ARMH3: variants seen among roughly 807,000 people sequenced by gnomAD.
ARMH3 encodes armadillo-like helical domain-containing protein 3.
A neutral mutation model predicts 99.1 loss-of-function variants in ARMH3; 60 were observed. The ratio of observed to expected loss-of-function variants is 0.61; its 90% CI spans 0.49 to 0.75. ARMH3 has a LOEUF of 0.75. ARMH3 is among the 30% of genes least tolerant of loss of function. ARMH3 has a pLI of 0.00. For synonymous variants in ARMH3, 285 were observed against 292.8 expected (o/e 0.97, Z 0.27); for missense variants, 679 against 843.1 (o/e 0.81, Z 2.41).
chr10:101,913,297 GGAGAAAGCTCTTGGTTAAAAGGACA>G (rs1221531498), intron 23 of ARMH3: 1 of 150,092 alleles, frequency 6.7e-6, no homozygotes, highest in African/African-American at 2.4e-5. Context: ...TCTTGGTCTA[GGAGAAAGCTCTTGGTTAAAAGGACA>G]GACAGAAGGA....
At chr10:102,046,336 GAAAAAGAAAAA>G (rs1279945123) in intron 1 of ARMH3, among the ~76,000 whole-genome samples, 11 of 148,292 alleles carry the variant, frequency 7.4e-5, no homozygotes, top group East Asian at 2.0e-4. Context: ...AGAGAAAAGA[GAAAAAGAAAAA>G]AAAAAGAAAA....
chr10:102,005,946 C>T (rs1332135240), intron 14 of ARMH3, among the ~76,000 whole-genome samples: 2 of 152,132 alleles, frequency 1.3e-5, no homozygotes, highest in African/African-American at 4.8e-5. Context: ...GAGTGAGTGC[C>T]AGGTTCACAT....
chr10:102,041,270 G>A (rs963656220), intron 1 of ARMH3, among the ~76,000 whole-genome samples: 7 of 150,494 alleles, frequency 4.7e-5, no homozygotes, highest in Non-Finnish European at 8.9e-5. Flanking sequence ...TCTTTACTGC[G>A]AATTTACACA....
intron 23 of ARMH3, among the ~76,000 whole-genome samples, chr10:101,920,078 TTATC>T (rs1843247006): frequency 6.6e-6 from 1 of 152,216 alleles, no homozygotes; most frequent in Non-Finnish European, 1.5e-5. Flanking sequence ...CTATGTTTGT[TTATC>T]TATTTTCGAG....
At chr10:102,021,172 G>GCTCAAGCCTCC (rs1408864009) in intron 8 of ARMH3, among the ~76,000 whole-genome samples, 3 of 152,074 alleles carry the variant, frequency 2.0e-5, no homozygotes, top group Non-Finnish European at 4.4e-5. Flanking sequence ...CACCTCCTGG[G>GCTCAAGCCTCC]CTCAAGCCTC....
intron 24 of ARMH3, among the ~76,000 whole-genome samples, chr10:101,885,624 G>C (rs1030861948): frequency 1.3e-5 from 2 of 152,180 alleles, no homozygotes; most frequent in Non-Finnish European, 2.9e-5. Flanking sequence ...CTCAGGGTAG[G>C]GGAAATGGGG....
At chr10:101,892,065 T>C (rs867957451) in intron 23 of ARMH3, among the ~76,000 whole-genome samples, 1 of 151,858 alleles carries the variant, frequency 6.6e-6, no homozygotes, top group Admixed American at 6.6e-5. Flanking sequence ...TGAGCCAAGA[T>C]TGTGCCACTG....
chr10:101,893,333 T>C (rs1460763878), intron 23 of ARMH3, among the ~76,000 whole-genome samples: 2 of 152,206 alleles, frequency 1.3e-5, no homozygotes. Flanking sequence ...TTTATGCTTT[T>C]TTAGGTTTTG....
At chr10:102,040,596 G>C (rs2067387332) in intron 1 of ARMH3, among the ~76,000 whole-genome samples, 1 of 152,118 alleles carries the variant, frequency 6.6e-6, no homozygotes, top group Admixed American at 6.6e-5. Context: ...TCCCTGACTA[G>C]GTAATGTCAA....
intron 23 of ARMH3, among the ~76,000 whole-genome samples, chr10:101,895,598 TTAAAAG>T (rs1242942487): frequency 1.3e-5 from 2 of 152,154 alleles, no homozygotes; most frequent in Non-Finnish European, 2.9e-5. Flanking sequence ...TGTAAAATTC[TTAAAAG>T]TAAATCTTCA....
intron 19 of ARMH3, among the ~76,000 whole-genome samples, chr10:101,977,499 TAG>T (rs1177858573): frequency 1.3e-5 from 2 of 152,214 alleles, no homozygotes; most frequent in East Asian, 1.9e-4. Context: ...AATGATATAA[TAG>T]AGTTACTATG....
chr10:101,973,346 C>T (rs1354699657), intron 20 of ARMH3, among the ~76,000 whole-genome samples: 7 of 124,430 alleles, frequency 5.6e-5, no homozygotes, highest in Non-Finnish European at 1.1e-4. Context: ...GGCGACAGAG[C>T]GAGACTCCGT....
intron 8 of ARMH3, among the ~76,000 whole-genome samples, chr10:102,017,453 C>T (rs1038648564): frequency 1.1e-4 from 17 of 152,168 alleles, no homozygotes; most frequent in African/African-American, 3.1e-4. Flanking sequence ...TCAGAGAGCC[C>T]TACTGAGCTG....
intron 24 of ARMH3, among the ~76,000 whole-genome samples, chr10:101,854,393 A>C (rs138231515): frequency 7.4e-4 from 112 of 152,310 alleles, no homozygotes; most frequent in African/African-American, 2.4e-3. Context: ...CCTATGACTC[A>C]AAAGTAACTA....
chr10:101,885,136 TA>T (rs998173989), intron 24 of ARMH3, among the ~76,000 whole-genome samples: 7 of 148,454 alleles, frequency 4.7e-5, no homozygotes, highest in Middle Eastern at 3.5e-3. Flanking sequence ...GGATGGCTAT[TA>T]AAAAAAAAAC....
intron 24 of ARMH3, among the ~76,000 whole-genome samples, chr10:101,880,314 C>CA (rs2067380854): frequency 6.6e-6 from 1 of 152,186 alleles, no homozygotes; most frequent in Admixed American, 6.5e-5. Flanking sequence ...CAGGAATTCT[C>CA]AGAGTGGGCT....
chr10:101,895,472 G>C (rs896736538), intron 23 of ARMH3, among the ~76,000 whole-genome samples: 1 of 151,874 alleles, frequency 6.6e-6, no homozygotes, highest in Non-Finnish European at 1.5e-5. Flanking sequence ...GTAGAGACGG[G>C]GTTTCACCAT....
At chr10:101,885,255 T>C (rs187239281) in intron 24 of ARMH3, among the ~76,000 whole-genome samples, 2 of 152,326 alleles carry the variant, frequency 1.3e-5, no homozygotes, top group Non-Finnish European at 2.9e-5. Flanking sequence ...AGAATTATCC[T>C]GTGATCCAGC....
chr10:102,001,203 T>C (rs1160441488), intron 15 of ARMH3, among the ~76,000 whole-genome samples: 1 of 152,212 alleles, frequency 6.6e-6, no homozygotes, highest in African/African-American at 2.4e-5. Flanking sequence ...AATTTTGTTA[T>C]ATATACTTTA....
Sources: gnomAD v4.1 joint callset for allele counts (sites outside exome capture counted in the v4.1 genomes callset) on GRCh38, gnomAD v4.1.1 for gene constraint, MANE v1.5 for transcripts, NCBI Gene and HGNC (gene_info 2026-07-23, HGNC 2026-07-21) for gene names.